Variants in ANKS1B observed in about 807,000 individuals in gnomAD.
The protein encoded by ANKS1B is ankyrin repeat and sterile alpha motif domain containing 1B.
In ANKS1B, 36 loss-of-function variants were observed where a neutral mutation model predicts 148.3. The ratio of observed to expected loss-of-function variants is 0.24; its 90% CI spans 0.19 to 0.32. The LOEUF (loss-of-function observed/expected upper bound fraction) is 0.32, where lower values mean the gene tolerates loss of function less well. Among genes scored for constraint, ANKS1B ranks in the 10% least tolerant of loss-of-function variants. The pLI, the probability that ANKS1B is intolerant of heterozygous loss-of-function variation, is 1.00. For missense variants in ANKS1B, 1,157 were observed against 1,542.6 expected (o/e 0.75, Z 4.19); for synonymous variants, 542 against 560.8 (o/e 0.97, Z 0.47).
At chr12:99,181,000 C>T (rs117071541) in intron 14 of ANKS1B, among the ~76,000 whole-genome samples, 316 of 152,270 alleles carry the variant, frequency 2.1e-3, no homozygotes, top group Non-Finnish European at 1.8e-3. Flanking sequence ...AAGTTTCTCC[C>T]CAGTTTACAT....
At chr12:99,633,516 C>G (rs2098196120) in intron 9 of ANKS1B, among the ~76,000 whole-genome samples, 1 of 152,074 alleles carries the variant, frequency 6.6e-6, no homozygotes, top group African/African-American at 2.4e-5. Context: ...AATGTTAGAC[C>G]TAAAACCATA....
intron 16 of ANKS1B, among the ~76,000 whole-genome samples, chr12:99,079,280 T>A (rs2048867148): frequency 6.6e-6 from 1 of 152,140 alleles, no homozygotes; most frequent in South Asian, 2.1e-4. Context: ...AGAATATAAA[T>A]CATCTATTGG....
At chr12:99,266,489 A>G (rs1230554087) in intron 12 of ANKS1B, among the ~76,000 whole-genome samples, 1 of 152,214 alleles carries the variant, frequency 6.6e-6, no homozygotes, top group Non-Finnish European at 1.5e-5. Flanking sequence ...ACAACTGGTT[A>G]GTAAAACTGC....
chr12:99,493,085 A>G (rs1315436021), intron 10 of ANKS1B, among the ~76,000 whole-genome samples: 5 of 152,218 alleles, frequency 3.3e-5, no homozygotes, highest in East Asian at 1.9e-4. Context: ...ACAGAAATAG[A>G]GGAAGTCACA....
In ANKS1B at chr12:99,929,427, T is replaced by C. The variant is rs554122029; in HGVS notation, c.134+54677A>G. 1.3e-3 allele frequency among the ~76,000 whole-genome samples: 200 copies of C among 152,228 alleles called. 1 individual carries two copies. Among genetic ancestry groups the C allele is most frequent in the African/African-American group, 4.5e-3 (189 of 41,546 alleles). On this transcript the variant is annotated intron_variant, in intron 1 of 26. Coordinates refer to ENST00000683438, the MANE Select transcript of ANKS1B (RefSeq NM_001352186.2). ...TTGTCAGATGAGTAGGTTGCAAAAA[T>C]TTTCTCCCATTCTGTAGGTTGCCTG...
In ANKS1B at chr12:99,891,326, A is replaced by ATG. The variant is rs569405174; in HGVS notation, c.135-65939_135-65938dup. ...TATAAACAATTGAGAGTGTGTGTGT[A>ATG]TGTGTGTGTGTGTTTGTGTGTGTGC... is the stretch of plus-strand genomic sequence containing the variant. On this transcript the variant is annotated intron_variant, in intron 1 of 26. Transcript: ENST00000683438. Among the ~76,000 whole-genome samples, 38 of 151,640 alleles carry ATG rather than the reference A, an allele frequency of 2.5e-4. No individual in the cohort carries two copies. The South Asian group carries it at 7.1e-3, about 28-fold the overall frequency.
At chr12:99,915,863 T>C (rs2094155651) in intron 1 of ANKS1B, among the ~76,000 whole-genome samples, 1 of 152,224 alleles carries the variant, frequency 6.6e-6, no homozygotes, top group African/African-American at 2.4e-5. Context: ...TCCTATCTTC[T>C]GGTGGTTTTC....
intron 8 of ANKS1B, among the ~76,000 whole-genome samples, chr12:99,684,326 C>A (rs1170176859): frequency 6.9e-6 from 1 of 144,412 alleles, no homozygotes; most frequent in Non-Finnish European, 1.5e-5. Flanking sequence ...AGTGACCAAG[C>A]TGAGAATCAA....
intron 14 of ANKS1B, chr12:99,154,634 T>TATTA: frequency 6.9e-7 from 1 of 1,447,674 alleles, no homozygotes; most frequent in Non-Finnish European, 9.1e-7. Flanking sequence ...ATTTCTTACA[T>TATTA]ATTAATCTTT....
chr12:99,512,747 T>C (rs940784213), intron 9 of ANKS1B, among the ~76,000 whole-genome samples: 4 of 152,240 alleles, frequency 2.6e-5, no homozygotes, highest in African/African-American at 9.6e-5. Context: ...TCATGTCCTT[T>C]GCAGGGACAT....
intron 11 of ANKS1B, among the ~76,000 whole-genome samples, chr12:99,435,885 C>T (rs898048585): frequency 1.3e-5 from 2 of 151,964 alleles, no homozygotes; most frequent in Non-Finnish European, 2.9e-5. Flanking sequence ...TAAAAAGCTT[C>T]CCAGGAAATT....
chr12:98,760,108 T>C (rs1413467959), intron 25 of ANKS1B, among the ~76,000 whole-genome samples: 3 of 152,254 alleles, frequency 2.0e-5, no homozygotes, highest in Non-Finnish European at 2.9e-5. Flanking sequence ...CAAATGTGAA[T>C]AGTAGTTATC....
At position 98,745,627 on chromosome 12, in the gene ANKS1B, A is replaced by T. The variant is rs998652247; in HGVS notation, c.*112T>A. 1.4e-6 allele frequency: 2 copies of T among 1,474,154 alleles called. No homozygotes were observed. Among genetic ancestry groups the T allele is most frequent in the Non-Finnish European group, 1.8e-6 (2 of 1,111,322 alleles). The allele number at this position is 1,474,154 out of a possible 1,614,324, so 91.3% of individuals were successfully genotyped here. On this transcript the variant is annotated 3_prime_UTR_variant, in exon 27 of 27. Transcript: ENST00000683438. ...GGCCTTTCGCCCGTAACAAGGCCGC[A>T]CGCTCAGAGCAGTCTTCCTCCTGGG...
chr12:99,146,595 C>T (rs898081008), intron 15 of ANKS1B, among the ~76,000 whole-genome samples: 4 of 152,098 alleles, frequency 2.6e-5, no homozygotes, highest in Admixed American at 2.0e-4. Flanking sequence ...CTCTAGCTCT[C>T]GTCAGACTCC....
intron 17 of ANKS1B, among the ~76,000 whole-genome samples, chr12:98,888,234 A>C (rs956138070): frequency 6.6e-6 from 1 of 152,244 alleles, no homozygotes; most frequent in Non-Finnish European, 1.5e-5. Flanking sequence ...GGTGAGAACT[A>C]TAGGGAACTG....
intron 12 of ANKS1B, among the ~76,000 whole-genome samples, chr12:99,391,007 T>A (rs2094045290): frequency 6.6e-6 from 1 of 152,246 alleles, no homozygotes; most frequent in Non-Finnish European, 1.5e-5. Context: ...ATATGCCACC[T>A]GCAGGCCACA....
intron 12 of ANKS1B, among the ~76,000 whole-genome samples, chr12:99,383,309 G>T (rs1413161199): frequency 6.6e-6 from 1 of 152,130 alleles, no homozygotes. Flanking sequence ...TTTCAGACCC[G>T]ATTTACCCTG....
chr12:99,881,596 T>C (rs1481379887), intron 1 of ANKS1B, among the ~76,000 whole-genome samples: 1 of 152,154 alleles, frequency 6.6e-6, no homozygotes, highest in Non-Finnish European at 1.5e-5. Context: ...GAGCTGCACA[T>C]ACAGAGATAT....
At chr12:99,183,054 T>C (rs552111441) in intron 14 of ANKS1B, among the ~76,000 whole-genome samples, 26 of 152,350 alleles carry the variant, frequency 1.7e-4, no homozygotes, top group African/African-American at 6.0e-4. Flanking sequence ...TTGTATGTTA[T>C]GGTTTTAATC....
Sources: allele counts gnomAD v4.1 joint callset (sites outside exome capture counted in the v4.1 genomes callset), GRCh38; gene constraint gnomAD v4.1.1; transcripts MANE v1.5; gene names NCBI Gene and HGNC (gene_info 2026-07-23, HGNC 2026-07-21).